PTPRN2: variants seen among roughly 807,000 people sequenced by gnomAD.
PTPRN2 encodes receptor-type tyrosine-protein phosphatase N2.
In PTPRN2, 74 loss-of-function variants were observed where a neutral mutation model predicts 118.8. The ratio of observed to expected loss-of-function variants is 0.62; its 90% CI spans 0.52 to 0.76. PTPRN2 has a LOEUF of 0.76. Among genes scored for constraint, PTPRN2 ranks in the 30% least tolerant of loss-of-function variants. The pLI is 0.00. For synonymous variants in PTPRN2, 641 were observed against 608.0 expected (o/e 1.05, Z -0.80); for missense variants, 1,481 against 1,394.4 (o/e 1.06, Z -0.99).
At chr7:158,135,466 A>G (rs893998863) in intron 8 of PTPRN2, among the ~76,000 whole-genome samples, 67 of 152,166 alleles carry the variant, frequency 4.4e-4, no homozygotes, top group African/African-American at 1.6e-3. Context: ...TTAAATAAAT[A>G]AGAAGTCAGA....
chr7:157,898,876 C>T lies in PTPRN2; in HGVS notation c.1724-139G>A, dbSNP rs539396617. 11 of 763,674 alleles carry T rather than the reference C, an allele frequency of 1.4e-5. No homozygotes were observed. The African/African-American group carries it at 1.7e-4, about 12-fold the overall frequency. The allele number at this position is 763,674 out of a possible 1,614,324, so 47.3% of individuals were successfully genotyped here. A position where few individuals can be genotyped will look rare whatever the true frequency, so the allele number is the denominator to read the frequency against. ...CCTACCTTAATGGAAGGGTCATGAA[C>T]AGGCACAGAATTAGAACCTGCACGA... On this transcript the variant is annotated intron_variant, in intron 11 of 22. Coordinates refer to ENST00000389418, the MANE Select transcript of PTPRN2 (RefSeq NM_002847.5).
At chr7:157,901,257 A>G (rs1416069928) in intron 11 of PTPRN2, among the ~76,000 whole-genome samples, 1 of 152,104 alleles carries the variant, frequency 6.6e-6, no homozygotes, top group East Asian at 1.9e-4. Context: ...CCTCCCCCAC[A>G]TCCAAAGCCC....
intron 12 of PTPRN2, among the ~76,000 whole-genome samples, chr7:157,773,219 C>T (rs1802993471): frequency 6.6e-6 from 1 of 152,200 alleles, no homozygotes; most frequent in Non-Finnish European, 1.5e-5. Flanking sequence ...CCTCTCTCTT[C>T]AGGACAAGCC....
rs577645877 is a variant in PTPRN2, at chr7:157,550,108, G to A, written c.2903-1089C>T. Among the ~76,000 whole-genome samples the A allele has an allele frequency of 3.3e-5, 5 of 152,326 alleles. No homozygotes were observed. In the East Asian group the frequency reaches 9.6e-4, roughly 29 times the overall value. On this transcript the variant is annotated intron_variant, in intron 21 of 22. Transcript: ENST00000389418. This position sits in a 1 kb window ranked among gnomAD's most constrained non-coding sequence, Gnocchi z 5.2. ...AGGTGGTCCCCAGGCCTTTCTCTCC[G>A]GCCGCAACCTGAGTGCACACCACAT... is the stretch of plus-strand genomic sequence containing the variant.
chr7:158,318,807 C>T (rs1252608051), intron 2 of PTPRN2, among the ~76,000 whole-genome samples: 2 of 152,222 alleles, frequency 1.3e-5, no homozygotes, highest in Non-Finnish European at 2.9e-5. Context: ...CTGGTCCGGG[C>T]CCCACTCGGC....
intron 12 of PTPRN2, among the ~76,000 whole-genome samples, chr7:157,828,544 ACGTCCTGGTT>A: frequency 6.6e-6 from 1 of 152,212 alleles, no homozygotes; most frequent in East Asian, 1.9e-4. Flanking sequence ...ACCCTGAGAG[ACGTCCTGGTT>A]ACTGCAGGTA....
At chr7:158,317,429 G>T (rs753496052) in intron 2 of PTPRN2, among the ~76,000 whole-genome samples, 1 of 152,224 alleles carries the variant, frequency 6.6e-6, no homozygotes, top group Admixed American at 6.5e-5. Context: ...GCTCCTTTCC[G>T]GCGGCGCAGG....
intron 11 of PTPRN2, among the ~76,000 whole-genome samples, 171 bp downstream of exon 11, chr7:158,081,127 C>T (rs796575897): frequency 6.6e-6 from 1 of 152,214 alleles, no homozygotes; most frequent in Admixed American, 6.5e-5. Context: ...GACTGCCCCT[C>T]GTCCCCTCAC....
chr7:157,838,823 C>T (rs1278114402), intron 12 of PTPRN2, among the ~76,000 whole-genome samples: 1 of 1,408 alleles, frequency 7.1e-4, no homozygotes, highest in Non-Finnish European at 1.6e-3. Flanking sequence ...GAGAAAGCTC[C>T]TCTCCGCCGT....
intron 11 of PTPRN2, among the ~76,000 whole-genome samples, chr7:157,901,176 G>A (rs1034376303): frequency 5.3e-5 from 8 of 152,198 alleles, no homozygotes; most frequent in African/African-American, 1.2e-4. Context: ...TTAAGAGAGC[G>A]AGAAGTCGCT....
intron 11 of PTPRN2, among the ~76,000 whole-genome samples, chr7:158,044,562 GCA>G (rs1808701830): frequency 1.3e-5 from 2 of 152,038 alleles, no homozygotes; most frequent in Non-Finnish European, 2.9e-5. Flanking sequence ...TCTCAGGCAG[GCA>G]CAGAGAGCTC....
At chr7:157,927,579 G>T (rs1261882612) in intron 11 of PTPRN2, among the ~76,000 whole-genome samples, 1 of 150,154 alleles carries the variant, frequency 6.7e-6, no homozygotes, top group East Asian at 2.0e-4. Flanking sequence ...AAGCCCCAGG[G>T]ACCCGTCTGA....
chr7:157,778,980 A>G (rs1438608687), intron 12 of PTPRN2, among the ~76,000 whole-genome samples: 1 of 152,214 alleles, frequency 6.6e-6, no homozygotes, highest in African/African-American at 2.4e-5. Flanking sequence ...TTCCTGCTTT[A>G]TGCTGGAAAC....
intron 15 of PTPRN2, among the ~76,000 whole-genome samples, chr7:157,607,860 A>G (rs1009832274): frequency 6.6e-6 from 1 of 152,062 alleles, no homozygotes; most frequent in East Asian, 1.9e-4. Context: ...CAGAGGGGGA[A>G]TCTGCCATGG....
intron 3 of PTPRN2, among the ~76,000 whole-genome samples, chr7:158,262,579 AG>A: frequency 6.9e-6 from 1 of 144,110 alleles, no homozygotes; most frequent in East Asian, 2.1e-4. Flanking sequence ...ATTCACACAC[AG>A]CACACACATT....
chr7:157,861,316 T>G lies in PTPRN2; in HGVS notation c.1788+37357A>C, dbSNP rs1004550482. Among the ~76,000 whole-genome samples the G allele has an allele frequency of 2.6e-5, 4 of 152,208 alleles. No individual in the cohort carries two copies. The highest frequency in any genetic ancestry group is 9.6e-5 in the African/African-American group (4 of 41,458). ...CCGTGGGAGGATGAGAGGCCTGGATTGCACCGGAAGCACCTCCGGCTGGAG... is the reference window on the plus strand; with the variant it reads ...CCGTGGGAGGATGAGAGGCCTGGATGGCACCGGAAGCACCTCCGGCTGGAG... On this transcript the variant is annotated intron_variant, in intron 12 of 22. Coordinates refer to ENST00000389418, the MANE Select transcript of PTPRN2 (RefSeq NM_002847.5). The surrounding 1 kb of genome is among the most constrained non-coding windows in gnomAD (Gnocchi z 5.8).
intron 10 of PTPRN2, among the ~76,000 whole-genome samples, chr7:158,102,733 T>A (rs922791043): frequency 6.6e-6 from 1 of 152,050 alleles, no homozygotes; most frequent in African/African-American, 2.4e-5. Context: ...CACGCTTGAA[T>A]CACACTTGCA....
At chr7:157,828,937 C>T (rs998419191) in intron 12 of PTPRN2, among the ~76,000 whole-genome samples, 2 of 152,242 alleles carry the variant, frequency 1.3e-5, no homozygotes, top group Non-Finnish European at 2.9e-5. Flanking sequence ...ACTGTTTTCT[C>T]CAACTGTATT....
chr7:158,365,361 T>C (rs1809353427), intron 2 of PTPRN2, among the ~76,000 whole-genome samples: 1 of 152,102 alleles, frequency 6.6e-6, no homozygotes, highest in Non-Finnish European at 1.5e-5. Context: ...GAGGGTGTGA[T>C]TTTTCCCATC....
Sources: gnomAD v4.1 joint callset for allele counts (sites outside exome capture counted in the v4.1 genomes callset) on GRCh38, gnomAD v4.1.1 for gene constraint, Gnocchi (gnomAD v3.1) non-coding constraint, MANE v1.5 for transcripts, NCBI Gene and HGNC (gene_info 2026-07-23, HGNC 2026-07-21) for gene names.